PLAAT5: variants seen among roughly 807,000 people sequenced by gnomAD.
The protein encoded by PLAAT5 is phospholipase A and acyltransferase 5, also known as Ca(2+)-independent N-acyltransferase.
A neutral mutation model predicts 27.8 loss-of-function variants in PLAAT5; 27 were observed. That is an observed-to-expected ratio of 0.97 (90% CI 0.72 to 1.34). The LOEUF (loss-of-function observed/expected upper bound fraction) is 1.34. Among genes scored for constraint, PLAAT5 ranks in the 40% most tolerant of loss-of-function variants. The probability of loss-of-function intolerance (pLI) is 0.00; values close to 1 mark genes in which losing one functional copy is unlikely to be tolerated. For missense variants in PLAAT5, 368 were observed against 343.8 expected, an observed-to-expected ratio of 1.07 and a Z score of -0.56; for synonymous variants, 125 against 136.1, an observed-to-expected ratio of 0.92 and a Z score of 0.57.
intron 5 of PLAAT5, among the ~76,000 whole-genome samples, chr11:63,464,938 A>G (rs1293401156): frequency 6.6e-6 from 1 of 152,164 alleles, no homozygotes; most frequent in Non-Finnish European, 1.5e-5. Context: ...ACAGAGTGTC[A>G]GCAAGTAGGA....
intron 1 of PLAAT5, 112 bp from the exon 2 acceptor site, chr11:63,490,445 C>G: frequency 3.3e-6 from 5 of 1,536,304 alleles, no homozygotes; most frequent in Non-Finnish European, 4.4e-6. Context: ...GTGCCTGGCC[C>G]CTGGTTAGGC....
chr11:63,471,683 C>T (rs899193707), intron 3 of PLAAT5, among the ~76,000 whole-genome samples: 22 of 152,036 alleles, frequency 1.4e-4, no homozygotes, highest in African/African-American at 3.4e-4. Flanking sequence ...GACAGTGAGA[C>T]GAAAACATTT....
intron 4 of PLAAT5, 102 bp from the exon 5 acceptor site, chr11:63,466,474 C>T: frequency 2.5e-6 from 3 of 1,185,682 alleles, no homozygotes; most frequent in South Asian, 3.0e-5. Flanking sequence ...GTCTCATTGG[C>T]ACCATCAGTA....
At chr11:63,476,529 C>T (rs190355189) in intron 3 of PLAAT5, among the ~76,000 whole-genome samples, 24 of 152,198 alleles carry the variant, frequency 1.6e-4, no homozygotes, top group Admixed American at 7.9e-4. Flanking sequence ...TTTAATATGT[C>T]ATCCCACTGC....
chr11:63,463,274 G>A lies in PLAAT5; in HGVS notation c.*229C>T. On this transcript the variant is annotated 3_prime_UTR_variant, in exon 6 of 6. Coordinates refer to ENST00000540857, the MANE Select transcript of PLAAT5 (RefSeq NM_001146729.2). ...TATGAAATGCCTAGCACAGTGCCTG[G>A]CGCATAAGAGATACACACTAGATAC... 1.8e-6 allele frequency: 1 copy of A among 564,552 alleles called. No individual in the cohort carries two copies. The highest frequency in any genetic ancestry group is 3.2e-6 in the Non-Finnish European group (1 of 313,966). 35.0% of individuals were successfully genotyped at this position (564,552 alleles called of 1,614,324 possible). A position where few individuals can be genotyped will look rare whatever the true frequency, so the allele number is the denominator to read the frequency against.
intron 5 of PLAAT5, among the ~76,000 whole-genome samples, chr11:63,465,771 C>T (rs2015844776): frequency 6.6e-6 from 1 of 151,964 alleles, no homozygotes; most frequent in African/African-American, 2.4e-5. Flanking sequence ...GCCTAGGTGA[C>T]AGAGTGAGAT....
In PLAAT5 at chr11:63,463,485, C is replaced by T; in HGVS notation, c.*18G>A. ...CTTGTGTCAGTAACTCTTCCTCTAGCTGGAGTTTTCATCACCTTCAGGCAG... is the reference window on the plus strand; with the variant it reads ...CTTGTGTCAGTAACTCTTCCTCTAGTTGGAGTTTTCATCACCTTCAGGCAG... On this transcript the variant is annotated 3_prime_UTR_variant, in exon 6 of 6. Transcript: ENST00000540857. The T allele has an allele frequency of 6.3e-7, 1 of 1,586,270 alleles. No homozygotes were observed. Among genetic ancestry groups the T allele is most frequent in the Non-Finnish European group, 8.7e-7 (1 of 1,155,564 alleles).
rs1484728082 is a variant in PLAAT5, at chr11:63,463,588, T to C, written c.725A>G (p.His242Arg). ...YGVPRSQQVE[H>R]ALMEGAKAAG... is the part of the protein sequence containing the mutation. ...AGCCTTCGCTCCTTCCATCAGGGCG[T>C]GCTCTACCTGCAAAGCACATCAGTT... The change falls in exon 6 of 6, where the codon CAC (histidine) becomes CGC (arginine). Residue 242 changes from histidine (H) to arginine (R), a missense_variant. Coordinates refer to ENST00000540857, the MANE Select transcript of PLAAT5 (RefSeq NM_001146729.2). 2.5e-6 allele frequency: 4 copies of C among 1,613,322 alleles called. No homozygotes were observed. In the Admixed American group the frequency reaches 6.7e-5, roughly 27 times the overall value.
intron 5 of PLAAT5, 115 bp from the exon 6 acceptor site, chr11:63,463,710 AGAG>A: frequency 1.3e-6 from 1 of 777,450 alleles, no homozygotes; most frequent in Non-Finnish European, 2.2e-6. Context: ...TCTATTCCCA[AGAG>A]AAGAAGCAGT....
chr11:63,473,570 G>A (rs904414876), intron 3 of PLAAT5, among the ~76,000 whole-genome samples: 1 of 152,120 alleles, frequency 6.6e-6, no homozygotes, highest in African/African-American at 2.4e-5. Context: ...TCAAGTTGAG[G>A]AAACTCCCTT....
Position 63,467,323 on chromosome 11 carries a change from T to C in PLAAT5, c.455-951A>G, listed in dbSNP as rs537192364. 4.6e-5 allele frequency among the ~76,000 whole-genome samples: 7 copies of C among 152,312 alleles called. No individual in the cohort carries two copies. In the South Asian group the frequency reaches 1.2e-3, roughly 27 times the overall value. ...TGTGGTTGTACAAGAGGGAAACTCC[T>C]GGACTTAGTCTGGAAAGAAGAGATG... On this transcript the variant is annotated intron_variant, in intron 4 of 5. Transcript: ENST00000540857.
rs71039646 is a variant in PLAAT5, at chr11:63,483,801, G to GTATATATA, written c.345+5062_345+5069dup. On this transcript the variant is annotated intron_variant, in intron 3 of 5. Transcript: ENST00000540857. ...AAAAAAAAAATATATATATATATAT[G>GTATATATA]TATATATATATATATATATATATAT... is the stretch of plus-strand genomic sequence containing the variant. Among the ~76,000 whole-genome samples the GTATATATA allele has an allele frequency of 9.1e-3, 218 of 24,048 alleles. 3 individuals are homozygous for GTATATATA. The highest frequency in any genetic ancestry group is 0.013 in the East Asian group (9 of 700). 15.8% of individuals were successfully genotyped at this position (24,048 alleles called of 152,430 possible).
At chr11:63,485,608 T>G (rs964870969) in intron 3 of PLAAT5, among the ~76,000 whole-genome samples, 1 of 152,198 alleles carries the variant, frequency 6.6e-6, no homozygotes, top group African/African-American at 2.4e-5. Context: ...AACTCTCACC[T>G]TCTACAAAAA....
At chr11:63,479,562 T>C (rs1029055946) in intron 3 of PLAAT5, among the ~76,000 whole-genome samples, 3 of 152,260 alleles carry the variant, frequency 2.0e-5, no homozygotes, top group Non-Finnish European at 1.5e-5. Flanking sequence ...TAATTATTTT[T>C]TCCTTTCAGA....
intron 3 of PLAAT5, among the ~76,000 whole-genome samples, chr11:63,476,740 G>C (rs533773947): frequency 1.1e-4 from 16 of 152,240 alleles, no homozygotes; most frequent in South Asian, 6.2e-4. Flanking sequence ...AATTTGGAAA[G>C]TATTCAGTTA....
intron 3 of PLAAT5, 38 bp from the exon 4 acceptor site, chr11:63,468,503 A>C (rs367642350): frequency 2.1e-5 from 31 of 1,472,284 alleles, no homozygotes; most frequent in East Asian, 2.0e-4. Flanking sequence ...GCACATGCTC[A>C]AGGAACTCCA....
At position 63,470,892 on chromosome 11, in the gene PLAAT5, A is replaced by G. The variant is rs908375814; in HGVS notation, c.346-2427T>C. 3 of 152,326 alleles carry G rather than the reference A, an allele frequency of 2.0e-5. No homozygotes were observed. The East Asian group carries it at 5.8e-4, about 29-fold the overall frequency. The allele number at this position is 152,326 out of a possible 1,614,324, so 9.4% of individuals were successfully genotyped here. ...AATATAAGCCTTTAAAGTGAATAAGAGTATTTATTCTGAAGAAAAACATTA... is the reference window on the plus strand; with the variant it reads ...AATATAAGCCTTTAAAGTGAATAAGGGTATTTATTCTGAAGAAAAACATTA... On this transcript the variant is annotated intron_variant, in intron 3 of 5. Transcript: ENST00000540857.
Position 63,491,121 on chromosome 11 carries a change from G to C in PLAAT5, c.-87C>G. 1 of 1,204,670 alleles carries C rather than the reference G, an allele frequency of 8.3e-7. No individual in the cohort carries two copies. The highest frequency in any genetic ancestry group is 1.1e-6 in the Non-Finnish European group (1 of 929,402). 74.6% of individuals were successfully genotyped at this position (1,204,670 alleles called of 1,614,324 possible). ...CCAGTCGGCGCGGCCCCTGGTCGGCGGAGCCGCGGAAGCTTGGGCACTGGG... is the reference window on the plus strand; with the variant it reads ...CCAGTCGGCGCGGCCCCTGGTCGGCCGAGCCGCGGAAGCTTGGGCACTGGG... On this transcript the variant is annotated 5_prime_UTR_variant, in exon 1 of 6. Transcript: ENST00000540857.
At chr11:63,481,823 G>A (rs1010468425) in intron 3 of PLAAT5, among the ~76,000 whole-genome samples, 12 of 152,078 alleles carry the variant, frequency 7.9e-5, no homozygotes, top group South Asian at 2.1e-4. Flanking sequence ...ACCAAACACC[G>A]CATGTTCTCA....
Sources: allele counts gnomAD v4.1 joint callset (sites outside exome capture counted in the v4.1 genomes callset), GRCh38; gene constraint gnomAD v4.1.1; transcripts MANE v1.5; gene names NCBI Gene and HGNC (gene_info 2026-07-23, HGNC 2026-07-21).